The following GKAP1 variants were observed in gnomAD, a reference collection of about 807,000 sequenced individuals.
GKAP1 encodes the protein G kinase-anchoring protein 1.
Under a neutral mutation model 56.7 loss-of-function variants are expected in GKAP1, and 31 were observed. The observed-to-expected ratio is 0.55, with a 90% CI of 0.41 to 0.74. The LOEUF (loss-of-function observed/expected upper bound fraction) is 0.74. Ranked by LOEUF, GKAP1 falls within the 30% of genes least tolerant of loss-of-function variation. The probability of loss-of-function intolerance (pLI) is 0.00; values close to 1 mark genes in which losing one functional copy is unlikely to be tolerated. For missense variants in GKAP1, 364 were observed against 402.3 expected (o/e 0.90, Z 0.82); for synonymous variants, 151 against 138.6 (o/e 1.09, Z -0.63).
chr9:83,790,115 T>A (rs1312088159), intron 4 of GKAP1, among the ~76,000 whole-genome samples: 1 of 151,964 alleles, frequency 6.6e-6, no homozygotes, highest in Non-Finnish European at 1.5e-5. Flanking sequence ...AAGCATCTAA[T>A]CCTATGCTGA....
intron 8 of GKAP1, among the ~76,000 whole-genome samples, chr9:83,754,156 A>T (rs1358266373): frequency 6.6e-6 from 1 of 152,234 alleles, no homozygotes; most frequent in Non-Finnish European, 1.5e-5. Flanking sequence ...TTCAGATATA[A>T]GAATTTATTG....
chr9:83,807,980 G>T (rs1172046364), intron 2 of GKAP1, among the ~76,000 whole-genome samples: 3 of 152,032 alleles, frequency 2.0e-5, no homozygotes, highest in Non-Finnish European at 4.4e-5. Flanking sequence ...TCAAGTTTTT[G>T]GTATACAATG....
At chr9:83,760,547 T>C (rs12339076) in intron 8 of GKAP1, among the ~76,000 whole-genome samples, 85,660 of 151,960 alleles carry the variant, frequency 0.56, 24,755 homozygotes, top group Admixed American at 0.7. Context: ...ACTTTTCATC[T>C]GACAGCTGCA....
At chr9:83,812,557 C>A (rs1306778918) in intron 2 of GKAP1, among the ~76,000 whole-genome samples, 1 of 150,672 alleles carries the variant, frequency 6.6e-6, no homozygotes, top group Non-Finnish European at 1.5e-5. Flanking sequence ...CCAGGCTGGT[C>A]TTGAACCCCT....
intron 6 of GKAP1, among the ~76,000 whole-genome samples, chr9:83,783,304 C>T (rs1944008618): frequency 6.6e-6 from 1 of 152,102 alleles, no homozygotes; most frequent in Non-Finnish European, 1.5e-5. Flanking sequence ...AGACACAGCG[C>T]TGTTCAATAA....
At chr9:83,768,644 T>C (rs973492474) in intron 8 of GKAP1, among the ~76,000 whole-genome samples, 174 bp downstream of exon 8, 3 of 152,228 alleles carry the variant, frequency 2.0e-5, no homozygotes, top group Admixed American at 6.5e-5. Context: ...TCATACAGTA[T>C]GAGTATACTT....
chr9:83,769,172 A>C (rs1178576860), intron 7 of GKAP1, among the ~76,000 whole-genome samples: 3 of 152,242 alleles, frequency 2.0e-5, no homozygotes, highest in Non-Finnish European at 4.4e-5. Context: ...CAGTAGAGAC[A>C]CATTTGGAAA....
chr9:83,786,908 A>T (rs1388032566), intron 5 of GKAP1, among the ~76,000 whole-genome samples: 1 of 152,218 alleles, frequency 6.6e-6, no homozygotes, highest in African/African-American at 2.4e-5. Context: ...ATATATCCAT[A>T]AGTCTAACAG....
intron 4 of GKAP1, chr9:83,789,227 C>A (rs904686756): frequency 1.3e-5 from 2 of 152,180 alleles, no homozygotes; most frequent in African/African-American, 4.8e-5. Context: ...TGCTTTAAGT[C>A]ATCTAATAAT....
chr9:83,815,202 G>A (rs1944565452), intron 2 of GKAP1, among the ~76,000 whole-genome samples: 2 of 151,956 alleles, frequency 1.3e-5, no homozygotes, highest in South Asian at 4.1e-4. Flanking sequence ...GTTAATTTAA[G>A]AGAACTAGGA....
At chr9:83,749,827 G>A (rs1044229042) in intron 9 of GKAP1, among the ~76,000 whole-genome samples, 10 of 152,104 alleles carry the variant, frequency 6.6e-5, no homozygotes, top group Non-Finnish European at 1.5e-4. Context: ...ATAAACTGAA[G>A]TAAAGCACCA....
chr9:83,810,893 C>T (rs565751422), intron 2 of GKAP1, among the ~76,000 whole-genome samples: 1 of 152,324 alleles, frequency 6.6e-6, no homozygotes, highest in East Asian at 1.9e-4. Context: ...CTAACTGGTA[C>T]AGCCTACTAT....
intron 3 of GKAP1, among the ~76,000 whole-genome samples, chr9:83,802,816 A>G (rs1944352898): frequency 6.6e-6 from 1 of 151,102 alleles, no homozygotes; most frequent in Admixed American, 6.6e-5. Context: ...AGAGAGAGAG[A>G]TTCTGTCTTC....
At chr9:83,741,360 T>TCACACACACACACA (rs35325635) in intron 12 of GKAP1, among the ~76,000 whole-genome samples, 1 of 48,570 alleles carries the variant, frequency 2.1e-5, no homozygotes, top group East Asian at 4.0e-4. Flanking sequence ...AATATATCTC[T>TCACACACACACACA]CACACACACA....
Position 83,806,232 on chromosome 9 carries a change from C to T in GKAP1, c.216+70G>A, listed in dbSNP as rs1042947728. The T allele has an allele frequency of 1.1e-5, 11 of 990,770 alleles. No individual in the cohort carries two copies. The African/African-American group carries it at 1.8e-4, about 16-fold the overall frequency. 61.4% of individuals were successfully genotyped at this position (990,770 alleles called of 1,614,324 possible). A position where few individuals can be genotyped will look rare whatever the true frequency, so the allele number is the denominator to read the frequency against. ...CAGGTACTATGGATACACAGGGGAACAAGATAGTATCTGTTCTCAGGATGA... is the reference window on the plus strand; with the variant it reads ...CAGGTACTATGGATACACAGGGGAATAAGATAGTATCTGTTCTCAGGATGA... On this transcript the variant is annotated intron_variant, in intron 3 of 12. Transcript: ENST00000376371.
chr9:83,812,363 T>A (rs1405681701), intron 2 of GKAP1, among the ~76,000 whole-genome samples: 14 of 148,992 alleles, frequency 9.4e-5, no homozygotes, highest in East Asian at 3.9e-4. Context: ...ATATATATTT[T>A]TTTTTAGACA....
intron 8 of GKAP1, among the ~76,000 whole-genome samples, chr9:83,761,146 C>T (rs1379312272): frequency 6.8e-6 from 1 of 146,034 alleles, no homozygotes; most frequent in Non-Finnish European, 1.5e-5. Flanking sequence ...AAAATTAAAA[C>T]AAAAAACATC....
chr9:83,769,531 T>G (rs1943721535), intron 7 of GKAP1, among the ~76,000 whole-genome samples: 1 of 152,232 alleles, frequency 6.6e-6, no homozygotes. Flanking sequence ...TAGCAAAATA[T>G]TTTCAAGATT....
chr9:83,804,853 C>T, intron 3 of GKAP1, among the ~76,000 whole-genome samples: 1 of 136,794 alleles, frequency 7.3e-6, no homozygotes, highest in Admixed American at 7.0e-5. Flanking sequence ...GGTGGGGGGT[C>T]AGCCCCCCGC....
Sources: gnomAD v4.1 joint callset for allele counts (sites outside exome capture counted in the v4.1 genomes callset) on GRCh38, gnomAD v4.1.1 for gene constraint, MANE v1.5 for transcripts, NCBI Gene and HGNC (gene_info 2026-07-23, HGNC 2026-07-21) for gene names.